DGKB: variants seen among roughly 807,000 people sequenced by gnomAD.
DGKB encodes the protein diacylglycerol kinase beta.
Under a neutral mutation model 114.3 loss-of-function variants are expected in DGKB, and 67 were observed. The observed-to-expected ratio is 0.59, with a 90% confidence interval of 0.48 to 0.72. The LOEUF is 0.72. Among genes scored for constraint, DGKB ranks in the 30% least tolerant of loss-of-function variants. The pLI is 0.00. For synonymous variants in DGKB, 398 were observed against 323.1 expected, an observed-to-expected ratio of 1.23 and a Z score of -2.49; for missense variants, 907 against 975.2, an observed-to-expected ratio of 0.93 and a Z score of 0.93.
chr7:14,921,661 C>G (rs1166713046), intron 1 of DGKB, among the ~76,000 whole-genome samples: 1 of 152,178 alleles, frequency 6.6e-6, no homozygotes, highest in Non-Finnish European at 1.5e-5. Flanking sequence ...CACAGGAAAG[C>G]TCCTCAAAAT....
chr7:14,309,457 G>A (rs202094463), intron 23 of DGKB, among the ~76,000 whole-genome samples: 1 of 152,278 alleles, frequency 6.6e-6, no homozygotes, highest in South Asian at 2.1e-4. Context: ...AGAGGACCAG[G>A]CTCAGAATCT....
Position 14,808,632 on chromosome 7 carries a change from A to G in DGKB, c.70+32562T>C, listed in dbSNP as rs531258734. 1.7e-4 allele frequency among the ~76,000 whole-genome samples: 26 copies of G among 152,114 alleles called. 1 individual carries two copies. Among genetic ancestry groups the G allele is most frequent in the Non-Finnish European group, 3.2e-4 (22 of 67,954 alleles). On this transcript the variant is annotated intron_variant, in intron 2 of 25. Coordinates refer to ENST00000402815, the MANE Select transcript of DGKB (RefSeq NM_001350709.2). ...TTGGGTAAAAAATGAATGCAGCAGA[A>G]GAGATTGCAAAAAAAGAATTAAAAC...
intron 23 of DGKB, among the ~76,000 whole-genome samples, chr7:14,193,365 A>G (rs951272512): frequency 6.6e-6 from 1 of 152,166 alleles, no homozygotes; most frequent in Non-Finnish European, 1.5e-5. Flanking sequence ...GACTAATAGA[A>G]TAGAATGGAG....
chr7:14,224,130 C>CCTAT (rs1790419865), intron 23 of DGKB, among the ~76,000 whole-genome samples: 1 of 151,764 alleles, frequency 6.6e-6, no homozygotes. Flanking sequence ...CCTGCTTCCT[C>CCTAT]CTATCTTTAT....
intron 1 of DGKB, among the ~76,000 whole-genome samples, chr7:14,843,730 T>A (rs1277399096): frequency 6.6e-6 from 1 of 152,250 alleles, no homozygotes; most frequent in Non-Finnish European, 1.5e-5. Flanking sequence ...ACGGTTTATT[T>A]GTTTATTCAA....
In DGKB at chr7:14,728,022, T is replaced by C. The variant is rs1830276599; in HGVS notation, c.322+8019A>G. Among the ~76,000 whole-genome samples, 5 of 152,340 alleles carry C rather than the reference T, an allele frequency of 3.3e-5. No homozygotes were observed. In the South Asian group the frequency reaches 6.2e-4, roughly 19 times the overall value. On this transcript the variant is annotated intron_variant, in intron 5 of 25. Coordinates refer to ENST00000402815, the MANE Select transcript of DGKB (RefSeq NM_001350709.2). ...CTTCCTGACAGACATTTTCCTTTTC[T>C]ATCTAAAATAAGTACTTGGGGCGTG... is the stretch of plus-strand genomic sequence containing the variant.
chr7:14,617,534 A>G (rs1196579636), intron 15 of DGKB, among the ~76,000 whole-genome samples: 1 of 151,730 alleles, frequency 6.6e-6, no homozygotes, highest in Non-Finnish European at 1.5e-5. Context: ...TGGCTCCCCA[A>G]CAATCTAATC....
At chr7:14,596,696 G>A (rs187868266) in intron 17 of DGKB, among the ~76,000 whole-genome samples, 1 of 152,156 alleles carries the variant, frequency 6.6e-6, no homozygotes, top group African/African-American at 2.4e-5. Context: ...AGTTGGAATG[G>A]AGACAAAAGT....
At chr7:14,215,404 T>G (rs960020481) in intron 23 of DGKB, among the ~76,000 whole-genome samples, 1 of 152,116 alleles carries the variant, frequency 6.6e-6, no homozygotes, top group African/African-American at 2.4e-5. Context: ...TAAGCATAAA[T>G]ATTATTCATT....
At chr7:14,793,668 C>T (rs997290552) in intron 2 of DGKB, among the ~76,000 whole-genome samples, 7 of 152,106 alleles carry the variant, frequency 4.6e-5, no homozygotes, top group African/African-American at 1.7e-4. Context: ...TATGCATAAG[C>T]TGACAGAAAA....
chr7:14,645,673 T>C (rs377594934), intron 13 of DGKB, among the ~76,000 whole-genome samples: 3 of 151,264 alleles, frequency 2.0e-5, no homozygotes, highest in African/African-American at 7.3e-5. Context: ...CAGAAGAGCA[T>C]GAGATGATAT....
chr7:14,623,271 A>G (rs1807974140), intron 14 of DGKB, among the ~76,000 whole-genome samples: 3 of 152,156 alleles, frequency 2.0e-5, no homozygotes, highest in Non-Finnish European at 2.9e-5. Flanking sequence ...CACATTTCCT[A>G]TCACTTACTC....
intron 1 of DGKB, among the ~76,000 whole-genome samples, 167 bp downstream of exon 1, chr7:14,902,425 T>C (rs1024172906): frequency 2.0e-5 from 3 of 152,162 alleles, no homozygotes; most frequent in Non-Finnish European, 4.4e-5. Context: ...ACCCCTACTA[T>C]AGCATAACTA....
At chr7:14,669,975 A>T (rs1158244167) in intron 13 of DGKB, among the ~76,000 whole-genome samples, 3 of 151,936 alleles carry the variant, frequency 2.0e-5, no homozygotes, top group East Asian at 1.9e-4. Context: ...GTTTTGTATT[A>T]TTGTGTTTTC....
At chr7:14,653,516 T>C (rs1203650066) in intron 13 of DGKB, among the ~76,000 whole-genome samples, 1 of 147,708 alleles carries the variant, frequency 6.8e-6, no homozygotes, top group Non-Finnish European at 1.5e-5. Context: ...GGGGTGGGGG[T>C]AGGGGGGAGG....
chr7:14,562,708 C>T (rs1450629385), intron 20 of DGKB, among the ~76,000 whole-genome samples: 1 of 152,110 alleles, frequency 6.6e-6, no homozygotes, highest in Non-Finnish European at 1.5e-5. Context: ...AGTGTATTTA[C>T]CCAATGTCTG....
At chr7:14,203,760 C>T (rs1278926869) in intron 23 of DGKB, among the ~76,000 whole-genome samples, 1 of 151,962 alleles carries the variant, frequency 6.6e-6, no homozygotes, top group Non-Finnish European at 1.5e-5. Context: ...GATAGGATAA[C>T]TGAGATCAAA....
rs73070707 is a variant in DGKB at position 14,796,911 on chromosome 7, T to C, written c.71-39180A>G. On this transcript the variant is annotated intron_variant, in intron 2 of 25. Coordinates refer to ENST00000402815, the MANE Select transcript of DGKB (RefSeq NM_001350709.2). Reference sequence around the variant, plus strand: ...CTTGATTTGGCTCCTTTGACATCTTTTTGTTTCCAAACCTTAAAAAAATCT... The same window carrying C: ...CTTGATTTGGCTCCTTTGACATCTTCTTGTTTCCAAACCTTAAAAAAATCT... 1.5e-3 allele frequency among the ~76,000 whole-genome samples: 233 copies of C among 152,266 alleles called. 1 individual carries two copies. In the Middle Eastern group the frequency reaches 0.02, roughly 13 times the overall value.
At chr7:14,486,283 G>GT (rs1278370154) in intron 20 of DGKB, among the ~76,000 whole-genome samples, 1 of 152,176 alleles carries the variant, frequency 6.6e-6, no homozygotes, top group Non-Finnish European at 1.5e-5. Flanking sequence ...ACAGATGGTG[G>GT]CCTCTAATCT....
Sources: gnomAD v4.1 joint callset for allele counts (sites outside exome capture counted in the v4.1 genomes callset) on GRCh38, gnomAD v4.1.1 for gene constraint, MANE v1.5 for transcripts, NCBI Gene and HGNC (gene_info 2026-07-23, HGNC 2026-07-21) for gene names.